CNTD1: variants seen among roughly 807,000 people sequenced by gnomAD.
The protein encoded by CNTD1 is cyclin N-terminal domain containing 1.
A neutral mutation model predicts 36.3 loss-of-function variants in CNTD1; 17 were observed. The observed-to-expected ratio is 0.47, with a 90% CI of 0.32 to 0.70. CNTD1 has a LOEUF of 0.70. CNTD1 is among the 30% of genes least tolerant of loss of function. The pLI is 0.03. For missense variants in CNTD1, 338 were observed against 386.1 expected, an observed-to-expected ratio of 0.88 and a Z score of 1.04; for synonymous variants, 128 against 153.3, an observed-to-expected ratio of 0.83 and a Z score of 1.22.
At chr17:42,807,331 C>T (rs2054896985) in intron 5 of CNTD1, among the ~76,000 whole-genome samples, 1 of 151,986 alleles carries the variant, frequency 6.6e-6, no homozygotes, top group South Asian at 2.1e-4. Flanking sequence ...AGGAGAATGG[C>T]GTGAACCCAG....
Position 42,809,569 on chromosome 17 carries a change from C to A in CNTD1, c.*34C>A. Reference sequence around the variant, plus strand: ...GAATCCACCAAATATAAACAGCCATCCGTCACTGCACTCATGCCTCCCTCT... The same window carrying A: ...GAATCCACCAAATATAAACAGCCATACGTCACTGCACTCATGCCTCCCTCT... On this transcript the variant is annotated 3_prime_UTR_variant, in exon 7 of 7. Transcript: ENST00000588408. The A allele has an allele frequency of 6.3e-7, 1 of 1,595,348 alleles. No homozygotes were observed. Among genetic ancestry groups the A allele is most frequent in the Non-Finnish European group, 8.6e-7 (1 of 1,163,952 alleles).
In CNTD1 at chr17:42,810,361, T is replaced by A. The variant is rs561823964; in HGVS notation, c.*826T>A. The A allele has an allele frequency of 1.3e-5, 2 of 154,962 alleles. No homozygotes were observed. Among genetic ancestry groups the A allele is most frequent in the South Asian group, 4.0e-4 (2 of 4,956 alleles). 9.6% of individuals were successfully genotyped at this position (154,962 alleles called of 1,614,324 possible). On this transcript the variant is annotated 3_prime_UTR_variant, in exon 7 of 7. Transcript: ENST00000588408. ...ATTATCCAACTGTGCATCTCAAACA[T>A]ATCCTCATCTCAGTAAAGACAAAAG...
Position 42,810,986 on chromosome 17 carries a change from G to A in CNTD1, c.*1451G>A, listed in dbSNP as rs2054989119. 6.7e-7 allele frequency: 1 copy of A among 1,482,008 alleles called. No homozygotes were observed. The highest frequency in any genetic ancestry group is 1.4e-5 in the African/African-American group (1 of 70,762). The allele number at this position is 1,482,008 out of a possible 1,614,324, so 91.8% of individuals were successfully genotyped here. ...CTGAGATCTGAGTTAAGTAAGTTCG[G>A]GGCAGGGACTTGATCATGGGACCAT... is the stretch of plus-strand genomic sequence containing the variant. On this transcript the variant is annotated 3_prime_UTR_variant, in exon 7 of 7. Coordinates refer to ENST00000588408, the MANE Select transcript of CNTD1 (RefSeq NM_173478.3).
intron 3 of CNTD1, 61 bp from the exon 4 acceptor site, chr17:42,805,659 ACT>A (rs2054866716): frequency 7.7e-6 from 11 of 1,422,420 alleles, no homozygotes; most frequent in Non-Finnish European, 9.6e-6. Context: ...GGCTTTGTGC[ACT>A]CTGTCAAGAC....
At chr17:42,808,017 A>C in intron 6 of CNTD1, 153 bp downstream of exon 6, 5 of 580,622 alleles carry the variant, frequency 8.6e-6, no homozygotes, top group Non-Finnish European at 1.5e-5. Flanking sequence ...AAAATCTAGG[A>C]TAGGGCTGAA....
At chr17:42,807,523 G>C (rs2054900572) in intron 5 of CNTD1, among the ~76,000 whole-genome samples, 1 of 152,030 alleles carries the variant, frequency 6.6e-6, no homozygotes, top group African/African-American at 2.4e-5. Flanking sequence ...ACAATTGTTA[G>C]GGAAACAGAT....
chr17:42,811,582 C>A lies in CNTD1; in HGVS notation c.*2047C>A, dbSNP rs2055007091. On this transcript the variant is annotated 3_prime_UTR_variant, in exon 7 of 7. Transcript: ENST00000588408. Reference sequence around the variant, plus strand: ...TCCCACCATTTATACTGTTTTGCCTCCATTATTACTGCTGCTTCAATTCTG... The same window carrying A: ...TCCCACCATTTATACTGTTTTGCCTACATTATTACTGCTGCTTCAATTCTG... The A allele has an allele frequency of 3.9e-6, 6 of 1,544,082 alleles. No homozygotes were observed. Among genetic ancestry groups the A allele is most frequent in the Non-Finnish European group, 4.4e-6 (5 of 1,144,670 alleles).
chr17:42,809,462 CG>C lies in CNTD1; in HGVS notation c.924del (p.Arg309AspfsTer14). 6.2e-7 allele frequency: 1 copy of C among 1,614,164 alleles called. No homozygotes were observed. Reference sequence around the variant, plus strand: ...ACTCACGGAGTGGGAGCCAACACTCCGGGGAGACAGCAGTCTATTCCTCCCC... The same window carrying C: ...ACTCACGGAGTGGGAGCCAACACTCCGGGAGACAGCAGTCTATTCCTCCCC... ...ILTHGVGANTPGRQQSIPPHL... is the reference protein window; with the variant it reads ...ILTHGVGANTXGRQQSIPPHL... On this transcript the variant is annotated frameshift_variant, in exon 7 of 7. Coordinates refer to ENST00000588408, the MANE Select transcript of CNTD1 (RefSeq NM_173478.3). LOFTEE classifies it high-confidence loss of function.
Position 42,810,654 on chromosome 17 carries a change from T to C in CNTD1, c.*1119T>C. The C allele has an allele frequency of 8.1e-7, 1 of 1,228,158 alleles. No individual in the cohort carries two copies. The highest frequency in any genetic ancestry group is 1.1e-6 in the Non-Finnish European group (1 of 907,602). 76.1% of individuals were successfully genotyped at this position (1,228,158 alleles called of 1,614,324 possible). A position where few individuals can be genotyped will look rare whatever the true frequency, so the allele number is the denominator to read the frequency against. ...TTTGTGGATTTTTTCTTTTTTGGTA[T>C]TGTAAACATGTACTGTTTAATATTA... On this transcript the variant is annotated 3_prime_UTR_variant, in exon 7 of 7. Coordinates refer to ENST00000588408, the MANE Select transcript of CNTD1 (RefSeq NM_173478.3).
At position 42,801,513 on chromosome 17, in the gene CNTD1, ATATATATATATATAT is replaced by A. The variant is rs2054789063; in HGVS notation, c.170-2106_170-2092del. Among the ~76,000 whole-genome samples, 251 of 54,720 alleles carry A rather than the reference ATATATATATATATAT, an allele frequency of 4.6e-3. 20 individuals are homozygous for A. The highest frequency in any genetic ancestry group is 0.017 in the African/African-American group (242 of 14,276). 35.9% of individuals were successfully genotyped at this position (54,720 alleles called of 152,430 possible). A position where few individuals can be genotyped will look rare whatever the true frequency, so the allele number is the denominator to read the frequency against. On this transcript the variant is annotated intron_variant, in intron 1 of 6. Coordinates refer to ENST00000588408, the MANE Select transcript of CNTD1 (RefSeq NM_173478.3). The stretch of plus-strand genomic sequence containing the variant: ...CTTGTCTCAAAAAAAAAAAAAAAAT[ATATATATATATATAT>A]ATATATATATATATATATAATATAT...
intron 4 of CNTD1, 77 bp downstream of exon 4, chr17:42,805,961 CT>C: frequency 7.3e-7 from 1 of 1,372,318 alleles, no homozygotes; most frequent in Non-Finnish European, 9.9e-7. Flanking sequence ...GGGGGCATGG[CT>C]CATGCCTGTA....
Position 42,809,396 on chromosome 17 carries a change from T to C in CNTD1, c.854T>C (p.Ile285Thr). 1 of 1,614,066 alleles carries C rather than the reference T, an allele frequency of 6.2e-7. No individual in the cohort carries two copies. The highest frequency in any genetic ancestry group is 8.5e-7 in the Non-Finnish European group (1 of 1,179,954). The change falls in exon 7 of 7, where the codon ATT (isoleucine) becomes ACT (threonine). Residue 285 changes from isoleucine (I) to threonine (T), a missense_variant. Coordinates refer to ENST00000588408, the MANE Select transcript of CNTD1 (RefSeq NM_173478.3). ...GGGCATTTGCAGAGCATCACTGGTA[T>C]TGCCTTGGCAAGCATTGCTGAGTTC... ...VVGHLQSITG[I>T]ALASIAEFSY...
chr17:42,801,511 ATATATATAT>A (rs1375577656), intron 1 of CNTD1, among the ~76,000 whole-genome samples: 1,589 of 60,354 alleles, frequency 0.026, 195 homozygotes, highest in African/African-American at 0.074. Flanking sequence ...AAAAAAAAAA[ATATATATAT>A]ATATATATAT....
At chr17:42,807,460 G>A (rs1449857059) in intron 5 of CNTD1, among the ~76,000 whole-genome samples, 3 of 151,976 alleles carry the variant, frequency 2.0e-5, no homozygotes, top group African/African-American at 7.2e-5. Context: ...GTTGCAACTT[G>A]GACAAGAGTG....
Position 42,801,549 on chromosome 17 carries a change from T to TA in CNTD1, c.170-2070dup, listed in dbSNP as rs1178985519. Among the ~76,000 whole-genome samples the TA allele has an allele frequency of 6.4e-3, 292 of 45,308 alleles. 1 individual carries two copies. Among genetic ancestry groups the TA allele is most frequent in the Admixed American group, 0.011 (39 of 3,396 alleles). The allele number at this position is 45,308 out of a possible 152,430, so 29.7% of individuals were successfully genotyped here. Reference sequence around the variant, plus strand: ...TATATATATATATATATATATATAATATATGTGTGTGTGTGTGTGTGTGTG... The same window carrying TA: ...TATATATATATATATATATATATAATAATATGTGTGTGTGTGTGTGTGTGTG... On this transcript the variant is annotated intron_variant, in intron 1 of 6. Transcript: ENST00000588408.
chr17:42,811,124 G>C lies in CNTD1; in HGVS notation c.*1589G>C. On this transcript the variant is annotated 3_prime_UTR_variant, in exon 7 of 7. Transcript: ENST00000588408. Reference sequence around the variant, plus strand: ...TCACAAGAGCCTCATTGTCATTGCAGAGTACAGGGACAGGACACACACCCA... The same window carrying C: ...TCACAAGAGCCTCATTGTCATTGCACAGTACAGGGACAGGACACACACCCA... 1.8e-6 allele frequency: 1 copy of C among 548,390 alleles called. No homozygotes were observed. The highest frequency in any genetic ancestry group is 3.1e-5 in the South Asian group (1 of 32,240). The allele number at this position is 548,390 out of a possible 1,614,324, so 34.0% of individuals were successfully genotyped here.
chr17:42,800,069 TAAAA>T (rs769118587), intron 1 of CNTD1, among the ~76,000 whole-genome samples: 1 of 63,952 alleles, frequency 1.6e-5, no homozygotes, highest in Non-Finnish European at 3.0e-5. Flanking sequence ...AGACTCTGTC[TAAAA>T]AAAAAAAAAA....
intron 6 of CNTD1, among the ~76,000 whole-genome samples, chr17:42,808,956 G>T (rs957836601): frequency 1.3e-5 from 2 of 152,110 alleles, no homozygotes; most frequent in Non-Finnish European, 2.9e-5. Flanking sequence ...GGCTGAAGTG[G>T]GAGGATCACT....
chr17:42,805,323 T>C (rs1567662152), intron 3 of CNTD1: 3 of 160,224 alleles, frequency 1.9e-5, no homozygotes, highest in Admixed American at 1.8e-4. Context: ...ATACAAATAG[T>C]GTGGAAAAAA....
Sources: allele counts gnomAD v4.1 joint callset (sites outside exome capture counted in the v4.1 genomes callset), GRCh38; gene constraint gnomAD v4.1.1; transcripts MANE v1.5; gene names NCBI Gene and HGNC (gene_info 2026-07-23, HGNC 2026-07-21).